Variants in UBE2K observed in about 807,000 individuals in gnomAD.
UBE2K encodes ubiquitin-conjugating enzyme E2 K.
In UBE2K, 6 loss-of-function variants were observed where a neutral mutation model predicts 30.0. The observed-to-expected ratio is 0.20, with a 90% confidence interval of 0.11 to 0.39. UBE2K has a LOEUF of 0.39. Ranked by LOEUF, UBE2K falls within the 10% of genes least tolerant of loss-of-function variation. UBE2K has a pLI of 1.00. For synonymous variants in UBE2K, 86 were observed against 83.7 expected (o/e 1.03, Z -0.15); for missense variants, 61 against 241.6 (o/e 0.25, Z 4.96).
intron 4 of UBE2K, among the ~76,000 whole-genome samples, chr4:39,769,077 CCA>C (rs979372362): frequency 3.0e-4 from 45 of 151,996 alleles, no homozygotes; most frequent in African/African-American, 1.1e-3. Flanking sequence ...GGTGATCTGC[CCA>C]CCTCAGCCTT....
chr4:39,722,082 C>T (rs1436761621), intron 1 of UBE2K, among the ~76,000 whole-genome samples: 1 of 152,020 alleles, frequency 6.6e-6, no homozygotes, highest in Non-Finnish European at 1.5e-5. Flanking sequence ...CAGAGTAAGA[C>T]CCTGTCTCCA....
chr4:39,701,638 C>T lies in UBE2K; in HGVS notation c.63+3248C>T, dbSNP rs147047809. Among the ~76,000 whole-genome samples, 4 of 152,096 alleles carry T rather than the reference C, an allele frequency of 2.6e-5. No individual in the cohort carries two copies. In the East Asian group the frequency reaches 7.7e-4, roughly 29 times the overall value. Reference sequence around the variant, plus strand: ...CATGCTTTTAATTAATTTAAAAAATCGAGCCTGGTTTGTATTACTGGTTAA... The same window carrying T: ...CATGCTTTTAATTAATTTAAAAAATTGAGCCTGGTTTGTATTACTGGTTAA... On this transcript the variant is annotated intron_variant, in intron 1 of 6. Transcript: ENST00000261427.
chr4:39,753,439 A>G (rs1721373547), intron 3 of UBE2K, among the ~76,000 whole-genome samples: 2 of 152,216 alleles, frequency 1.3e-5, no homozygotes, highest in African/African-American at 4.8e-5. Context: ...TTAGCCTTAT[A>G]ATAACATTTT....
Position 39,763,179 on chromosome 4 carries a change from G to C in UBE2K, c.299+7440G>C, listed in dbSNP as rs566293552. 2.6e-5 allele frequency among the ~76,000 whole-genome samples: 4 copies of C among 151,560 alleles called. No homozygotes were observed. The East Asian group carries it at 7.8e-4, about 30-fold the overall frequency. On this transcript the variant is annotated intron_variant, in intron 4 of 6. Transcript: ENST00000261427. The stretch of plus-strand genomic sequence containing the variant: ...GCTGGTCTGGAATTCCTGGGCTCAA[G>C]TGATCCACCCGCCTTGGCCTCCCAA...
chr4:39,731,932 CT>C (rs1720097252), intron 1 of UBE2K, among the ~76,000 whole-genome samples: 1 of 152,034 alleles, frequency 6.6e-6, no homozygotes, highest in African/African-American at 2.4e-5. Flanking sequence ...TTACTTGTAA[CT>C]TTAGGGGGCA....
chr4:39,736,732 A>G (rs548276095), intron 1 of UBE2K, among the ~76,000 whole-genome samples: 61 of 152,354 alleles, frequency 4.0e-4, no homozygotes, highest in African/African-American at 1.4e-3. Flanking sequence ...AAATAAGTCA[A>G]TGTAGATAAA....
At chr4:39,768,854 T>C (rs1373937574) in intron 4 of UBE2K, among the ~76,000 whole-genome samples, 2 of 152,130 alleles carry the variant, frequency 1.3e-5, no homozygotes, top group African/African-American at 2.4e-5. Flanking sequence ...CTCATTTTGG[T>C]TTGTTTTTTA....
intron 1 of UBE2K, among the ~76,000 whole-genome samples, chr4:39,732,551 A>G (rs1034352608): frequency 2.8e-5 from 4 of 143,900 alleles, no homozygotes; most frequent in Non-Finnish European, 5.9e-5. Context: ...GGTTGTTGAC[A>G]ATAATGTTTT....
At chr4:39,778,235 G>A (rs2109419497) in intron 6 of UBE2K, 125 bp from the exon 7 acceptor site, 2 of 487,264 alleles carry the variant, frequency 4.1e-6, no homozygotes, top group Admixed American at 3.9e-5. Context: ...TCCATGCACT[G>A]CAAATGTAAA....
At chr4:39,732,859 A>G (rs1720148531) in intron 1 of UBE2K, among the ~76,000 whole-genome samples, 1 of 151,916 alleles carries the variant, frequency 6.6e-6, no homozygotes, top group East Asian at 1.9e-4. Flanking sequence ...TATTTGTAGT[A>G]GAGACAGGGT....
rs10440308 is a variant in UBE2K at position 39,764,808 on chromosome 4, C to T, written c.299+9069C>T. On this transcript the variant is annotated intron_variant, in intron 4 of 6. Transcript: ENST00000261427. ...ATCTAGAGTCTGTAGTAGATTGTGT[C>T]GTCACAATAGGAAGACAGTGCAAAT... Among the ~76,000 whole-genome samples, 1,150 of 151,896 alleles carry T rather than the reference C, an allele frequency of 7.6e-3. 15 individuals are homozygous for T. Among genetic ancestry groups the T allele is most frequent in the African/African-American group, 0.026 (1,087 of 41,450 alleles).
At position 39,758,079 on chromosome 4, in the gene UBE2K, T is replaced by C. The variant is rs531177224; in HGVS notation, c.299+2340T>C. Among the ~76,000 whole-genome samples the C allele has an allele frequency of 1.2e-4, 19 of 152,334 alleles. No individual in the cohort carries two copies. The East Asian group carries it at 3.7e-3, about 29-fold the overall frequency. On this transcript the variant is annotated intron_variant, in intron 4 of 6. Coordinates refer to ENST00000261427, the MANE Select transcript of UBE2K (RefSeq NM_005339.5). ...TATAACGAACATATCAAACATAAACTGAACTGATAGTCTCCTAACCTGAAA... is the reference window on the plus strand; with the variant it reads ...TATAACGAACATATCAAACATAAACCGAACTGATAGTCTCCTAACCTGAAA...
intron 1 of UBE2K, among the ~76,000 whole-genome samples, chr4:39,723,266 G>A (rs960424576): frequency 2.0e-5 from 3 of 148,146 alleles, no homozygotes; most frequent in East Asian, 2.0e-4. Flanking sequence ...GGCTGGTCTC[G>A]AACTAAGCTC....
intron 3 of UBE2K, among the ~76,000 whole-genome samples, chr4:39,751,454 C>CTTGAG (rs1721247227): frequency 6.6e-6 from 1 of 152,104 alleles, no homozygotes; most frequent in South Asian, 2.1e-4. Flanking sequence ...GGGTGGATCA[C>CTTGAG]TTGAGCCCAA....
intron 4 of UBE2K, among the ~76,000 whole-genome samples, chr4:39,772,160 T>A (rs1712928068): frequency 6.6e-6 from 1 of 152,092 alleles, no homozygotes; most frequent in South Asian, 2.1e-4. Flanking sequence ...ATCGTAGGCA[T>A]CTAGGGAAGT....
intron 1 of UBE2K, among the ~76,000 whole-genome samples, chr4:39,717,088 G>A (rs1023455593): frequency 6.6e-6 from 1 of 151,272 alleles, no homozygotes; most frequent in Non-Finnish European, 1.5e-5. Context: ...GATCCCTTAA[G>A]CCTGGGAGAT....
At chr4:39,742,587 A>T (rs954854010) in intron 2 of UBE2K, among the ~76,000 whole-genome samples, 1 of 152,004 alleles carries the variant, frequency 6.6e-6, no homozygotes, top group African/African-American at 2.4e-5. Context: ...AAAAAAAATT[A>T]AAAAATTAGC....
intron 2 of UBE2K, 111 bp from the exon 3 acceptor site, chr4:39,745,641 G>A (rs1720950436): frequency 2.8e-6 from 2 of 703,998 alleles, no homozygotes; most frequent in Admixed American, 6.7e-5. Context: ...ACTTTAAAAT[G>A]AATTTTTATA....
chr4:39,758,569 T>G (rs1037893121), intron 4 of UBE2K, among the ~76,000 whole-genome samples: 1 of 152,040 alleles, frequency 6.6e-6, no homozygotes, highest in African/African-American at 2.4e-5. Context: ...TCCCAGCTAC[T>G]TGGGAGGCTG....
Sources: allele counts gnomAD v4.1 joint callset (sites outside exome capture counted in the v4.1 genomes callset), GRCh38; gene constraint gnomAD v4.1.1; transcripts MANE v1.5; gene names NCBI Gene and HGNC (gene_info 2026-07-23, HGNC 2026-07-21).